Variants in VPS13D observed in about 807,000 individuals in gnomAD.
VPS13D encodes the protein intermembrane lipid transfer protein VPS13D.
Under a neutral mutation model 461.9 loss-of-function variants are expected in VPS13D, and 187 were observed. That is an observed-to-expected ratio of 0.40 (90% CI 0.36 to 0.46). VPS13D has a LOEUF of 0.46. Among genes scored for constraint, VPS13D ranks in the 20% least tolerant of loss-of-function variants. VPS13D has a pLI of 0.60. For missense variants in VPS13D, 4,711 were observed against 5,364.9 expected (o/e 0.88, Z 3.81); for synonymous variants, 1,951 against 1,986.3 (o/e 0.98, Z 0.47).
intron 67 of VPS13D, among the ~76,000 whole-genome samples, chr1:12,468,173 A>C (rs778445260): frequency 7.9e-5 from 12 of 152,220 alleles, no homozygotes; most frequent in Non-Finnish European, 1.6e-4. Context: ...CATACATAAG[A>C]TAAGACATTT....
At position 12,369,546 on chromosome 1, in the gene VPS13D, A is replaced by G. The variant is rs1644088458; in HGVS notation, c.10652A>G (p.Tyr3551Cys). The G allele has an allele frequency of 8.1e-6, 13 of 1,614,122 alleles. No homozygotes were observed. Among genetic ancestry groups the G allele is most frequent in the Non-Finnish European group, 1.1e-5 (13 of 1,180,020 alleles). Residue 3551 changes from tyrosine (Y) to cysteine (C), a missense_variant, in exon 54 of 70, where the codon TAT (tyrosine) becomes TGT (cysteine). Physicochemically the swap from Tyr to Cys is radical, Grantham distance 194. Transcript: ENST00000620676. Reference protein sequence around the residue: ...TEVKPMTSLDYAWDEPTLPPF... With the variant: ...TEVKPMTSLDCAWDEPTLPPF... ...GTGAAGCCCATGACTTCATTGGATT[A>G]TGCCTGGGACGAACCCACCTTGCCA...
At chr1:12,421,142 C>G (rs1295769897) in intron 65 of VPS13D, among the ~76,000 whole-genome samples, 2 of 152,132 alleles carry the variant, frequency 1.3e-5, no homozygotes, top group African/African-American at 2.4e-5. Context: ...TTCTCATCTC[C>G]CAACGCTAGA....
intron 2 of VPS13D, among the ~76,000 whole-genome samples, chr1:12,235,896 G>C (rs139088148): frequency 1.8e-3 from 274 of 152,346 alleles, no homozygotes; most frequent in African/African-American, 6.3e-3. Context: ...CCTAGAAAGA[G>C]AGCTGCAGAC....
intron 65 of VPS13D, among the ~76,000 whole-genome samples, chr1:12,440,054 A>C (rs137989274): frequency 6.6e-6 from 1 of 152,218 alleles, no homozygotes. Flanking sequence ...CTGCATTAGA[A>C]TCTCTTAGCT....
intron 50 of VPS13D, 44 bp from the exon 51 acceptor site, chr1:12,362,676 T>A: frequency 6.3e-7 from 1 of 1,584,840 alleles, no homozygotes; most frequent in African/African-American, 1.4e-5. Context: ...AAGAGTTTTC[T>A]CTCTTCATGG....
Position 12,353,929 on chromosome 1 carries a change from T to C in VPS13D, c.9432-45T>C, listed in dbSNP as rs753680026. 32 of 1,582,034 alleles carry C rather than the reference T, an allele frequency of 2.0e-5. 1 individual carries two copies. The South Asian group carries it at 3.7e-4, about 18-fold the overall frequency. ...CTTAGCTAAGGAGAAAAAATTTAAG[T>C]TCTTCATTAAGTCTGATGATTTTTA... On this transcript the variant is annotated intron_variant, in intron 46 of 69. Coordinates refer to ENST00000620676, the MANE Select transcript of VPS13D (RefSeq NM_015378.4).
chr1:12,509,036 T>C lies in VPS13D; in HGVS notation c.*12T>C, dbSNP rs78839159. 0.019 allele frequency: 30,830 copies of C among 1,613,294 alleles called. 1,157 individuals are homozygous for C. Among genetic ancestry groups the C allele is most frequent in the Admixed American group, 0.15 (8,923 of 59,936 alleles). On this transcript the variant is annotated 3_prime_UTR_variant, in exon 70 of 70. Coordinates refer to ENST00000620676, the MANE Select transcript of VPS13D (RefSeq NM_015378.4). Reference sequence around the variant, plus strand: ...AGCTGGACTCCTGAAGCCCCGCTGCTGAGATGGGCGCTCCCGACACAGCGC... The same window carrying C: ...AGCTGGACTCCTGAAGCCCCGCTGCCGAGATGGGCGCTCCCGACACAGCGC...
At position 12,245,396 on chromosome 1, in the gene VPS13D, T is replaced by C. The variant is rs563310384; in HGVS notation, c.447+779T>C. ...GACAAACAAATTTATAAAATATTAG[T>C]CATTATTTTCATTTTATCTTAGTTT... is the stretch of plus-strand genomic sequence containing the variant. On this transcript the variant is annotated intron_variant, in intron 5 of 69. Coordinates refer to ENST00000620676, the MANE Select transcript of VPS13D (RefSeq NM_015378.4). Among the ~76,000 whole-genome samples, 13 of 152,348 alleles carry C rather than the reference T, an allele frequency of 8.5e-5. 1 individual carries two copies. The East Asian group carries it at 2.1e-3, about 25-fold the overall frequency.
intron 65 of VPS13D, among the ~76,000 whole-genome samples, chr1:12,441,629 G>A (rs1487746038): frequency 1.3e-5 from 2 of 152,194 alleles, no homozygotes; most frequent in Non-Finnish European, 2.9e-5. Flanking sequence ...TGGCAGGAAC[G>A]ATAAAAGTAG....
intron 31 of VPS13D, 113 bp downstream of exon 31, chr1:12,318,450 AT>A: frequency 7.4e-7 from 1 of 1,357,342 alleles, no homozygotes; most frequent in Non-Finnish European, 1.0e-6. Context: ...GCACTTACAC[AT>A]TTGCCTCTTT....
At chr1:12,321,595 G>A (rs1006168218) in intron 32 of VPS13D, among the ~76,000 whole-genome samples, 1 of 152,174 alleles carries the variant, frequency 6.6e-6, no homozygotes, top group Admixed American at 6.5e-5. Context: ...CTTTCGGGGT[G>A]TATTGCTAAA....
chr1:12,386,966 A>G (rs968282809), intron 60 of VPS13D, among the ~76,000 whole-genome samples: 1 of 152,204 alleles, frequency 6.6e-6, no homozygotes, highest in African/African-American at 2.4e-5. Context: ...CTATAGTTAT[A>G]GGATGGTACA....
chr1:12,460,455 T>G lies in VPS13D; in HGVS notation c.12662+59T>G, dbSNP rs544400257. ...TCCAGCCTAGGTCTGCTGCTTCTCC[T>G]AATCCATACTGATGTGTTTAATTGT... On this transcript the variant is annotated intron_variant, in intron 67 of 69. Coordinates refer to ENST00000620676, the MANE Select transcript of VPS13D (RefSeq NM_015378.4). 4 of 1,448,280 alleles carry G rather than the reference T, an allele frequency of 2.8e-6. No homozygotes were observed. In the East Asian group the frequency reaches 9.7e-5, roughly 35 times the overall value. 89.7% of individuals were successfully genotyped at this position (1,448,280 alleles called of 1,614,324 possible).
intron 54 of VPS13D, 92 bp from the exon 55 acceptor site, chr1:12,373,658 T>G: frequency 1.4e-6 from 1 of 730,390 alleles, no homozygotes; most frequent in South Asian, 6.6e-5. Flanking sequence ...GTTTTGGGCA[T>G]TTGCTTATTA....
At position 12,261,967 on chromosome 1, in the gene VPS13D, A is replaced by G. The variant is rs751663906; in HGVS notation, c.1481A>G (p.His494Arg). The part of the protein sequence containing the change: ...SCMNTYTKRD[H>R]VFAKLNLQLQ... ...ATGAACACGTATACAAAGCGAGATC[A>G]TGTCTTTGCCAAACTGAATTTGCAG... The change falls in exon 13 of 70, where the codon CAT becomes CGT. Residue 494 changes from histidine to arginine, a missense_variant. Physicochemically the swap from His to Arg is conservative, Grantham distance 29. Transcript: ENST00000620676. The G allele has an allele frequency of 1.9e-6, 3 of 1,614,078 alleles. No individual in the cohort carries two copies. The highest frequency in any genetic ancestry group is 2.5e-6 in the Non-Finnish European group (3 of 1,180,028).
At chr1:12,290,710 T>A (rs995652900) in intron 22 of VPS13D, among the ~76,000 whole-genome samples, 1 of 149,300 alleles carries the variant, frequency 6.7e-6, no homozygotes, top group Admixed American at 6.6e-5. Flanking sequence ...GCGACAGAGC[T>A]AGACTCTGTC....
chr1:12,379,664 T>A, intron 57 of VPS13D, 68 bp downstream of exon 57: 3 of 1,137,438 alleles, frequency 2.6e-6, no homozygotes, highest in Non-Finnish European at 3.9e-6. Context: ...AAGTCTCTAC[T>A]AAGTTATACA....
chr1:12,464,942 A>C (rs1463541189), intron 67 of VPS13D: 1 of 152,248 alleles, frequency 6.6e-6, no homozygotes, highest in Non-Finnish European at 1.5e-5. Flanking sequence ...AAAATGGCAC[A>C]GATGCAGCCA....
At chr1:12,506,152 A>G (rs1024134447) in intron 68 of VPS13D, among the ~76,000 whole-genome samples, 7 of 152,224 alleles carry the variant, frequency 4.6e-5, no homozygotes, top group Admixed American at 1.3e-4. Flanking sequence ...CACTGTTCCC[A>G]AGGTTCACTG....
Sources: gnomAD v4.1 joint callset for allele counts (sites outside exome capture counted in the v4.1 genomes callset) on GRCh38, gnomAD v4.1.1 for gene constraint, MANE v1.5 for transcripts, NCBI Gene and HGNC (gene_info 2026-07-23, HGNC 2026-07-21) for gene names.